The following PCDHA2 variants were observed in gnomAD, a reference collection of about 807,000 sequenced individuals.
PCDHA2 encodes protocadherin alpha 2.
PCDHA2 carries 58 observed loss-of-function variants against 66.0 expected under a neutral mutation model. That is an observed-to-expected ratio of 0.88 (90% confidence interval 0.71 to 1.09). The LOEUF (loss-of-function observed/expected upper bound fraction) is 1.09. Among genes scored for constraint, PCDHA2 ranks in the 50% least tolerant of loss-of-function variants. The pLI, the probability that PCDHA2 is intolerant of heterozygous loss-of-function variation, is 0.00. For synonymous variants in PCDHA2, 634 were observed against 554.0 expected (o/e 1.14, Z -2.03); for missense variants, 1,267 against 1,242.3 (o/e 1.02, Z -0.30).
chr5:140,940,610 G>A (rs1394761541), intron 1 of PCDHA2, among the ~76,000 whole-genome samples: 1 of 151,836 alleles, frequency 6.6e-6, no homozygotes, highest in Non-Finnish European at 1.5e-5. Context: ...GCTGCTCCTG[G>A]CTCCTGCAAA....
rs781959040 is a variant in PCDHA2 at position 140,968,057 on chromosome 5, C to A, written c.2389-10892C>A. 2.5e-6 allele frequency: 4 copies of A among 1,613,992 alleles called. 1 individual carries two copies. Among genetic ancestry groups the A allele is most frequent in the South Asian group, 2.2e-5 (2 of 91,082 alleles). ...GGTGAGCGGCCCACTGGACCGAGAGCGGGTGGCTGTCTACAACATCACGGT... is the reference window on the plus strand; with the variant it reads ...GGTGAGCGGCCCACTGGACCGAGAGAGGGTGGCTGTCTACAACATCACGGT... On this transcript the variant is annotated intron_variant, in intron 1 of 3. Transcript: ENST00000526136.
intron 1 of PCDHA2, chr5:140,867,574 C>T (rs1581813828): frequency 6.6e-6 from 1 of 152,044 alleles, no homozygotes; most frequent in East Asian, 1.9e-4. Context: ...TTCATATGCC[C>T]TTGCAGTATT....
At chr5:140,809,431 GT>G in intron 1 of PCDHA2, 1 of 1,614,226 alleles carries the variant, frequency 6.2e-7, no homozygotes, top group East Asian at 2.2e-5. Flanking sequence ...TGGGGAGCTG[GT>G]CATACTCGCA....
chr5:140,870,550 G>C (rs371515299), intron 1 of PCDHA2: 2 of 1,614,066 alleles, frequency 1.2e-6, no homozygotes, highest in South Asian at 2.2e-5. Flanking sequence ...GGACGCGGAC[G>C]CGCAGGAGAA....
intron 1 of PCDHA2, chr5:140,830,241 T>C: frequency 6.2e-7 from 1 of 1,613,934 alleles, no homozygotes; most frequent in Non-Finnish European, 8.5e-7. Flanking sequence ...ACGCTACTGC[T>C]GTACACAGCG....
chr5:140,875,826 T>C lies in PCDHA2; in HGVS notation c.2388+78474T>C, dbSNP rs367888868. ...TGGACAGGCCGCTGCAGGTTTTCCA[T>C]GTGGACGTGGAGGTGAAGGACATTA... is the stretch of plus-strand genomic sequence containing the variant. On this transcript the variant is annotated intron_variant, in intron 1 of 3. Coordinates refer to ENST00000526136, the MANE Select transcript of PCDHA2 (RefSeq NM_018905.3). 25 of 1,614,126 alleles carry C rather than the reference T, an allele frequency of 1.5e-5. No homozygotes were observed. In the African/African-American group the frequency reaches 2.3e-4, roughly 15 times the overall value.
At chr5:140,858,143 A>G in intron 1 of PCDHA2, 2 of 1,597,218 alleles carry the variant, frequency 1.3e-6, no homozygotes, top group Non-Finnish European at 1.7e-6. Flanking sequence ...CGTGTACCTG[A>G]TCATCGCCAT....
chr5:140,908,405 C>T (rs2073952752), intron 1 of PCDHA2, among the ~76,000 whole-genome samples: 1 of 152,150 alleles, frequency 6.6e-6, no homozygotes, highest in Non-Finnish European at 1.5e-5. Flanking sequence ...ATACCACTTC[C>T]ATTTGATGAT....
At chr5:140,947,010 A>C (rs924112965) in intron 1 of PCDHA2, among the ~76,000 whole-genome samples, 7 of 151,752 alleles carry the variant, frequency 4.6e-5, no homozygotes, top group African/African-American at 1.4e-4. Flanking sequence ...AGAAATGATA[A>C]ATGTTTGAGG....
chr5:140,943,831 A>T (rs1051741610), intron 1 of PCDHA2, among the ~76,000 whole-genome samples: 2 of 152,214 alleles, frequency 1.3e-5, no homozygotes, highest in African/African-American at 4.8e-5. Flanking sequence ...GAGTTGATTG[A>T]AGTTGTAAGA....
chr5:140,823,501 G>C, intron 1 of PCDHA2: 1 of 1,613,364 alleles, frequency 6.2e-7, no homozygotes, highest in Non-Finnish European at 8.5e-7. Flanking sequence ...CGGCGGCGCA[G>C]TGAGCGAGCT....
At chr5:140,980,835 T>A (rs2096907301) in intron 2 of PCDHA2, among the ~76,000 whole-genome samples, 1 of 152,220 alleles carries the variant, frequency 6.6e-6, no homozygotes, top group South Asian at 2.1e-4. Flanking sequence ...GTTGTGAACC[T>A]AAATAATACT....
chr5:140,833,497 T>C (rs1189966993), intron 1 of PCDHA2, among the ~76,000 whole-genome samples: 6 of 152,168 alleles, frequency 3.9e-5, no homozygotes, highest in Non-Finnish European at 7.4e-5. Flanking sequence ...ATATTTGAGA[T>C]TGTAAAAATA....
In PCDHA2 at chr5:140,808,110, T is replaced by C. The variant is rs781921257; in HGVS notation, c.2388+10758T>C. The C allele has an allele frequency of 9.5e-5, 154 of 1,613,930 alleles. No homozygotes were observed. The highest frequency in any genetic ancestry group is 1.2e-4 in the Non-Finnish European group (145 of 1,179,894). On this transcript the variant is annotated intron_variant, in intron 1 of 3. Coordinates refer to ENST00000526136, the MANE Select transcript of PCDHA2 (RefSeq NM_018905.3). ...GGACAAATTATTGTAAAGGGATATA[T>C]TGACTTTGAAGAAAGCAAATCCTAT... is the stretch of plus-strand genomic sequence containing the variant.
intron 1 of PCDHA2, chr5:140,835,028 C>A (rs2150229925): frequency 7.5e-7 from 1 of 1,326,582 alleles, no homozygotes; most frequent in Non-Finnish European, 1.0e-6. Flanking sequence ...TCACGGCCAC[C>A]GATGGAGGCA....
chr5:140,982,634 T>C, intron 3 of PCDHA2, 71 bp downstream of exon 3: 1 of 1,555,420 alleles, frequency 6.4e-7, no homozygotes, highest in Non-Finnish European at 8.7e-7. Flanking sequence ...TTTTGTAAGA[T>C]CAGGAATGTT....
intron 1 of PCDHA2, among the ~76,000 whole-genome samples, chr5:140,844,460 A>T (rs1188717335): frequency 6.7e-6 from 1 of 148,896 alleles, no homozygotes; most frequent in Non-Finnish European, 1.5e-5. Context: ...TCGCCAACTT[A>T]ACATTTTTTG....
chr5:140,808,376 C>T, intron 1 of PCDHA2: 1 of 1,614,202 alleles, frequency 6.2e-7, no homozygotes, highest in Non-Finnish European at 8.5e-7. Context: ...CCCCTTCAAG[C>T]TGGTGTCCAC....
At position 140,858,879 on chromosome 5, in the gene PCDHA2, CATGTGTAGAAT is replaced by C. The variant is rs2045639159; in HGVS notation, c.2388+61536_2388+61546del. On this transcript the variant is annotated intron_variant, in intron 1 of 3. Transcript: ENST00000526136. ...TCTTCAGTGAAAATGTGTTTTCCTC[CATGTGTAGAAT>C]ATGTGTAGCGTACCACAGCTTATAC... 2.9e-5 allele frequency: 7 copies of C among 243,802 alleles called. No homozygotes were observed. In the South Asian group the frequency reaches 3.1e-4, roughly 11 times the overall value. The allele number at this position is 243,802 out of a possible 1,614,324, so 15.1% of individuals were successfully genotyped here. A position where few individuals can be genotyped will look rare whatever the true frequency, so the allele number is the denominator to read the frequency against.
Sources: allele counts gnomAD v4.1 joint callset (sites outside exome capture counted in the v4.1 genomes callset), GRCh38; gene constraint gnomAD v4.1.1; transcripts MANE v1.5; gene names NCBI Gene and HGNC (gene_info 2026-07-23, HGNC 2026-07-21).